The following GPR149 variants were observed in gnomAD, a reference collection of about 807,000 sequenced individuals.
GPR149 encodes G protein-coupled receptor 149.
In GPR149, 50 loss-of-function variants were observed where a neutral mutation model predicts 50.2. That is an observed-to-expected ratio of 1.00 (90% CI 0.79 to 1.26). The LOEUF is 1.26. GPR149 is among the 50% of genes most tolerant of loss of function. The pLI, the probability that GPR149 is intolerant of heterozygous loss-of-function variation, is 0.00. For missense variants in GPR149, 983 were observed against 895.4 expected (o/e 1.10, Z -1.25); for synonymous variants, 405 against 358.2 (o/e 1.13, Z -1.48).
chr3:154,364,676 C>A (rs1046322920), intron 3 of GPR149, among the ~76,000 whole-genome samples: 6 of 152,218 alleles, frequency 3.9e-5, no homozygotes, highest in Non-Finnish European at 8.8e-5. Context: ...CGTTGAATAT[C>A]AAGTCTTGAG....
At position 154,428,925 on chromosome 3, in the gene GPR149, C is replaced by T. The variant is rs779127145; in HGVS notation, c.691G>A (p.Glu231Lys). The T allele has an allele frequency of 6.2e-7, 1 of 1,614,120 alleles. No homozygotes were observed. The change falls in exon 1 of 4, where the codon GAA (glutamate) becomes AAA (lysine). Residue 231 changes from glutamate to lysine, a missense_variant. By Grantham distance (56) the Glu-to-Lys change is moderately conservative. Transcript: ENST00000389740. ...GGAATTGAAGCTCCACGGGAAATTT[C>T]CTGGTAGTTGGAGTGGAGTCTCGGC... The part of the protein sequence containing the change: ...EPPRLHSNYQ[E>K]ISRGASIPGT...
intron 3 of GPR149, among the ~76,000 whole-genome samples, chr3:154,340,912 G>A (rs1046816390): frequency 4.2e-4 from 64 of 152,090 alleles, no homozygotes; most frequent in African/African-American, 1.5e-3. Flanking sequence ...AGTAGAGACA[G>A]GGTTTCACTA....
chr3:154,338,267 G>A lies in GPR149; in HGVS notation c.1628C>T (p.Ser543Phe). The A allele has an allele frequency of 6.5e-7, 1 of 1,539,518 alleles. No homozygotes were observed. The highest frequency in any genetic ancestry group is 2.1e-5 in the Admixed American group (1 of 47,238). The part of the protein sequence containing the change: ...SKSERTPRQR[S>F]GYALAIPLCA... ...CAAGGGAATGGCAAGGGCATAACCGGAACGCTGGGGACAAAAACAAAATTG... is the reference window on the plus strand; with the variant it reads ...CAAGGGAATGGCAAGGGCATAACCGAAACGCTGGGGACAAAAACAAAATTG... The change falls in exon 4 of 4, where the codon TCC (serine) becomes TTC (phenylalanine). Residue 543 changes from serine to phenylalanine, a missense_variant. Ser to Phe is a radical substitution (Grantham distance 155). Transcript: ENST00000389740.
chr3:154,391,022 G>A (rs1196356213), intron 3 of GPR149, among the ~76,000 whole-genome samples: 1 of 152,052 alleles, frequency 6.6e-6, no homozygotes, highest in South Asian at 2.1e-4. Flanking sequence ...TAAAATCTGA[G>A]GGAGTTCATC....
At chr3:154,393,625 TAA>T (rs1559983599) in intron 3 of GPR149, among the ~76,000 whole-genome samples, 1 of 151,686 alleles carries the variant, frequency 6.6e-6, no homozygotes, top group African/African-American at 2.4e-5. Context: ...AAGAAAAAGT[TAA>T]AGTTATCCAT....
At position 154,421,180 on chromosome 3, in the gene GPR149, G is replaced by T. The variant is rs1277758216; in HGVS notation, c.1482C>A (p.Asp494Glu). The change falls in exon 3 of 4, where the codon GAC becomes GAA. Residue 494 changes from aspartate (D) to glutamate (E), a missense_variant. Physicochemically the swap from Asp to Glu is conservative, Grantham distance 45. Coordinates refer to ENST00000389740, the MANE Select transcript of GPR149 (RefSeq NM_001038705.3). ...CATAGTTAATATCACCTCCTGTTTTGTCAGAAAACGCATCCTTTTTGTTGT... is the reference window on the plus strand; with the variant it reads ...CATAGTTAATATCACCTCCTGTTTTTTCAGAAAACGCATCCTTTTTGTTGT... ...DSNNKKDAFSDKTGGDINYEE... is the reference protein window; with the variant it reads ...DSNNKKDAFSEKTGGDINYEE... 1.2e-6 allele frequency: 2 copies of T among 1,613,306 alleles called. No homozygotes were observed. The highest frequency in any genetic ancestry group is 1.7e-6 in the Non-Finnish European group (2 of 1,179,506).
chr3:154,373,737 T>C (rs1714720498), intron 3 of GPR149, among the ~76,000 whole-genome samples: 1 of 152,204 alleles, frequency 6.6e-6, no homozygotes, highest in African/African-American at 2.4e-5. Flanking sequence ...GAATTCTCTG[T>C]CTTCTACTCC....
intron 3 of GPR149, among the ~76,000 whole-genome samples, chr3:154,349,843 T>G (rs75173300): frequency 0.011 from 1,729 of 152,272 alleles, 32 homozygotes; most frequent in African/African-American, 0.04. Flanking sequence ...CCTTAACAAA[T>G]ATTAGCAAAT....
At chr3:154,387,069 AACAATACCTATCATG>A (rs1451483414) in intron 3 of GPR149, among the ~76,000 whole-genome samples, 3 of 152,178 alleles carry the variant, frequency 2.0e-5, no homozygotes, top group Non-Finnish European at 4.4e-5. Flanking sequence ...ATATATATAA[AACAATACCTATCATG>A]ACAATTTTTG....
Position 154,427,540 on chromosome 3 carries a change from C to T in GPR149, c.1150G>A (p.Ala384Thr). Reference protein sequence around the residue: ...CIINCRQNAYAVASDGKKIKR... With the variant: ...CIINCRQNAYTVASDGKKIKR... ...CTTTTTTTCCCATCGGACGCCACTG[C>T]ATATGCGTTCTGCCTGCAGTTGATG... The change falls in exon 2 of 4, where the codon GCA (alanine) becomes ACA (threonine). Residue 384 changes from alanine (A) to threonine (T), a missense_variant. Coordinates refer to ENST00000389740, the MANE Select transcript of GPR149 (RefSeq NM_001038705.3). 2.5e-6 allele frequency: 4 copies of T among 1,613,114 alleles called. No individual in the cohort carries two copies. The highest frequency in any genetic ancestry group is 3.4e-6 in the Non-Finnish European group (4 of 1,179,644).
chr3:154,343,886 G>T (rs1713860634), intron 3 of GPR149, among the ~76,000 whole-genome samples: 1 of 151,914 alleles, frequency 6.6e-6, no homozygotes, highest in Non-Finnish European at 1.5e-5. Flanking sequence ...GGCTGAGGTG[G>T]GAGCATCACT....
intron 3 of GPR149, among the ~76,000 whole-genome samples, chr3:154,385,727 A>T (rs1466587060): frequency 1.4e-5 from 2 of 138,256 alleles, no homozygotes; most frequent in African/African-American, 2.7e-5. Context: ...TTTTATAAGG[A>T]GTCTTGCTCT....
intron 3 of GPR149, among the ~76,000 whole-genome samples, chr3:154,395,074 A>G (rs1715258783): frequency 6.6e-6 from 1 of 152,170 alleles, no homozygotes; most frequent in Non-Finnish European, 1.5e-5. Flanking sequence ...GTAAAAAACT[A>G]TAATGAGGAA....
intron 3 of GPR149, among the ~76,000 whole-genome samples, chr3:154,370,930 G>A (rs1450484222): frequency 3.3e-5 from 5 of 152,118 alleles, no homozygotes; most frequent in Non-Finnish European, 4.4e-5. Context: ...CAAAGCTGGG[G>A]CCATTATCTA....
intron 3 of GPR149, among the ~76,000 whole-genome samples, chr3:154,413,368 C>A (rs561554415): frequency 9.2e-5 from 14 of 151,988 alleles, no homozygotes; most frequent in Non-Finnish European, 1.5e-4. Context: ...AACAGACAAG[C>A]CACAGCATGG....
rs370473639 is a variant in GPR149, at chr3:154,427,536, A to G, written c.1154T>C (p.Val385Ala). 8 of 1,612,130 alleles carry G rather than the reference A, an allele frequency of 5.0e-6. No individual in the cohort carries two copies. In the African/African-American group the frequency reaches 9.4e-5, roughly 19 times the overall value. ...IINCRQNAYA[V>A]ASDGKKIKRK... The stretch of plus-strand genomic sequence containing the variant: ...CTTACTTTTTTTCCCATCGGACGCC[A>G]CTGCATATGCGTTCTGCCTGCAGTT... Residue 385 changes from valine to alanine, a missense_variant, in exon 2 of 4, where the codon GTG (valine) becomes GCG (alanine). Coordinates refer to ENST00000389740, the MANE Select transcript of GPR149 (RefSeq NM_001038705.3).
chr3:154,364,931 T>A (rs1474252346), intron 3 of GPR149, among the ~76,000 whole-genome samples: 1 of 152,176 alleles, frequency 6.6e-6, no homozygotes, highest in African/African-American at 2.4e-5. Flanking sequence ...GACTCTGTGG[T>A]GGCCCCACCT....
At chr3:154,340,149 A>G (rs1029204977) in intron 3 of GPR149, among the ~76,000 whole-genome samples, 6 of 152,250 alleles carry the variant, frequency 3.9e-5, no homozygotes, top group Admixed American at 2.0e-4. Context: ...GCTGTGTGAG[A>G]CATATGATCA....
intron 2 of GPR149, among the ~76,000 whole-genome samples, chr3:154,425,432 G>A (rs1457558682): frequency 1.3e-5 from 2 of 152,054 alleles, no homozygotes; most frequent in African/African-American, 2.4e-5. Flanking sequence ...CTAAGCATGT[G>A]CTACCTTTGG....
Sources: gnomAD v4.1 joint callset for allele counts (sites outside exome capture counted in the v4.1 genomes callset) on GRCh38, gnomAD v4.1.1 for gene constraint, MANE v1.5 for transcripts, NCBI Gene and HGNC (gene_info 2026-07-23, HGNC 2026-07-21) for gene names.